Variants in HS2ST1 observed in about 807,000 individuals in gnomAD.
HS2ST1 encodes the protein heparan sulfate 2-O-sulfotransferase 1.
A neutral mutation model predicts 42.9 loss-of-function variants in HS2ST1; 18 were observed. The observed-to-expected ratio is 0.42, with a 90% CI of 0.29 to 0.62. HS2ST1 has a LOEUF of 0.62. Among genes scored for constraint, HS2ST1 ranks in the 20% least tolerant of loss-of-function variants. The probability of loss-of-function intolerance (pLI) is 0.21; values close to 1 mark genes in which losing one functional copy is unlikely to be tolerated. For missense variants in HS2ST1, 334 were observed against 433.8 expected (o/e 0.77, Z 2.04); for synonymous variants, 146 against 152.9 (o/e 0.95, Z 0.33).
intron 1 of HS2ST1, among the ~76,000 whole-genome samples, chr1:86,991,201 C>T (rs2390224): frequency 0.72 from 108,320 of 151,462 alleles, 40,341 homozygotes; most frequent in East Asian, 0.97. Context: ...ACTTCATGTC[C>T]CACTCTGATG....
At chr1:87,099,551 G>A (rs112184758) in intron 5 of HS2ST1, among the ~76,000 whole-genome samples, 6,855 of 152,218 alleles carry the variant, frequency 0.045, 263 homozygotes, top group African/African-American at 0.1. Context: ...CTCCAGCATT[G>A]GGAATCACAT....
chr1:87,066,970 T>C (rs879121608), intron 1 of HS2ST1, among the ~76,000 whole-genome samples: 1 of 152,232 alleles, frequency 6.6e-6, no homozygotes, highest in Non-Finnish European at 1.5e-5. Flanking sequence ...CAGTCTATCA[T>C]TGATGGGGAT....
intron 1 of HS2ST1, among the ~76,000 whole-genome samples, chr1:86,985,183 G>A (rs1161962430): frequency 4.7e-5 from 7 of 147,994 alleles, no homozygotes; most frequent in Admixed American, 6.8e-5. Context: ...GTGAAACCCC[G>A]TCTCTACTAA....
chr1:86,968,360 C>T (rs915896139), intron 1 of HS2ST1, among the ~76,000 whole-genome samples: 1 of 151,948 alleles, frequency 6.6e-6, no homozygotes, highest in Non-Finnish European at 1.5e-5. Flanking sequence ...TTTGGTAACA[C>T]AGTTTTTGAA....
chr1:86,975,137 A>G (rs543926083), intron 1 of HS2ST1, among the ~76,000 whole-genome samples: 1 of 152,254 alleles, frequency 6.6e-6, no homozygotes, highest in African/African-American at 2.4e-5. Flanking sequence ...CTTAAATTTA[A>G]TTTATTCTCT....
rs774168145 is a variant in HS2ST1, at chr1:87,109,301, A to T, written c.*4605A>T. On this transcript the variant is annotated 3_prime_UTR_variant, in exon 7 of 7. Coordinates refer to ENST00000370550, the MANE Select transcript of HS2ST1 (RefSeq NM_012262.4). ...CAGATAGTGTTGCCATCAAGAAAGC[A>T]TGCAACATCATTGGTTTCTAATGAT... is the stretch of plus-strand genomic sequence containing the variant. 1 of 152,182 alleles carries T rather than the reference A, an allele frequency of 6.6e-6. No individual in the cohort carries two copies. Among genetic ancestry groups the T allele is most frequent in the Non-Finnish European group, 1.5e-5 (1 of 67,984 alleles). 9.4% of individuals were successfully genotyped at this position (152,182 alleles called of 1,614,324 possible). A position where few individuals can be genotyped will look rare whatever the true frequency, so the allele number is the denominator to read the frequency against.
intron 1 of HS2ST1, among the ~76,000 whole-genome samples, chr1:86,951,999 C>T (rs1647533827): frequency 1.3e-5 from 2 of 152,314 alleles, no homozygotes; most frequent in African/African-American, 4.8e-5. Context: ...AGTTCTGTTG[C>T]TAATCCCAGC....
chr1:87,045,191 C>T, intron 1 of HS2ST1: 1 of 926,016 alleles, frequency 1.1e-6, no homozygotes, highest in East Asian at 2.4e-5. Context: ...GTTTTGGCCC[C>T]ACTTTTTCTG....
rs55739816 is a variant in HS2ST1, at chr1:86,990,836, ATTTTTTTTT to A, written c.124+75691_124+75699del. On this transcript the variant is annotated intron_variant, in intron 1 of 6. Transcript: ENST00000370550. The stretch of plus-strand genomic sequence containing the variant: ...TTTATATATATATATATATATATAT[ATTTTTTTTT>A]TTTTTTTTTTTTTTAGTAGAGATGG... Among the ~76,000 whole-genome samples, 365 of 44,170 alleles carry A rather than the reference ATTTTTTTTT, an allele frequency of 8.3e-3. 3 individuals carry two copies. The highest frequency in any genetic ancestry group is 0.016 in the African/African-American group (196 of 12,590). 29.0% of individuals were successfully genotyped at this position (44,170 alleles called of 152,430 possible). A position where few individuals can be genotyped will look rare whatever the true frequency, so the allele number is the denominator to read the frequency against.
intron 1 of HS2ST1, among the ~76,000 whole-genome samples, chr1:87,009,878 C>CA (rs571610921): frequency 0.012 from 1,848 of 151,818 alleles, 17 homozygotes; most frequent in Non-Finnish European, 0.02. Flanking sequence ...ACTAAAAATA[C>CA]AAAAAAATTA....
intron 1 of HS2ST1, among the ~76,000 whole-genome samples, chr1:86,916,847 G>A (rs1660169855): frequency 6.6e-6 from 1 of 152,088 alleles, no homozygotes; most frequent in South Asian, 2.1e-4. Flanking sequence ...GGAATTGTCT[G>A]GAGTTGATTT....
At chr1:86,930,430 A>G (rs1369124424) in intron 1 of HS2ST1, among the ~76,000 whole-genome samples, 2 of 151,962 alleles carry the variant, frequency 1.3e-5, no homozygotes, top group Admixed American at 6.6e-5. Flanking sequence ...TGAACCTTTT[A>G]CATTTCACCT....
rs908282212 is a variant in HS2ST1 at position 86,916,788 on chromosome 1, GT to G, written c.124+1630del. On this transcript the variant is annotated intron_variant, in intron 1 of 6. Coordinates refer to ENST00000370550, the MANE Select transcript of HS2ST1 (RefSeq NM_012262.4). ...AAAAAGACTCCTCTTGAAGTGGAAA[GT>G]TATATTAAAATTAAAATTTGTACTT... Among the ~76,000 whole-genome samples the G allele has an allele frequency of 9.7e-4, 148 of 152,298 alleles. 1 individual carries two copies. Among genetic ancestry groups the G allele is most frequent in the African/African-American group, 3.4e-3 (140 of 41,568 alleles).
At chr1:87,077,074 GC>G (rs1171496748) in intron 2 of HS2ST1, among the ~76,000 whole-genome samples, 1 of 152,156 alleles carries the variant, frequency 6.6e-6, no homozygotes, top group Non-Finnish European at 1.5e-5. Context: ...CCAAGATGGA[GC>G]CCAGTTTTCA....
intron 3 of HS2ST1, among the ~76,000 whole-genome samples, chr1:87,085,304 A>AT (rs1455047598): frequency 1.3e-5 from 2 of 152,174 alleles, no homozygotes; most frequent in Non-Finnish European, 2.9e-5. Context: ...TTTAAAAGGC[A>AT]TTTTTTATAA....
At position 86,993,044 on chromosome 1, in the gene HS2ST1, A is replaced by G. The variant is rs1458328206; in HGVS notation, c.124+77884A>G. 2.5e-6 allele frequency: 4 copies of G among 1,576,356 alleles called. No individual in the cohort carries two copies. In the Admixed American group the frequency reaches 7.3e-5, roughly 29 times the overall value. On this transcript the variant is annotated intron_variant, in intron 1 of 6. Transcript: ENST00000370550. ...GTACCTCTCACAGAAGAGTCTTATGACTGGCATCAGGGGAAGGTCACCAAG... is the reference window on the plus strand; with the variant it reads ...GTACCTCTCACAGAAGAGTCTTATGGCTGGCATCAGGGGAAGGTCACCAAG...
chr1:87,064,741 G>A (rs1289958274), intron 1 of HS2ST1, among the ~76,000 whole-genome samples: 2 of 152,122 alleles, frequency 1.3e-5, no homozygotes, highest in Non-Finnish European at 2.9e-5. Context: ...GCTCACTGCA[G>A]CCTCAAACTC....
At chr1:87,042,025 T>A (rs1301768588) in intron 1 of HS2ST1, among the ~76,000 whole-genome samples, 2 of 152,188 alleles carry the variant, frequency 1.3e-5, no homozygotes, top group African/African-American at 4.8e-5. Flanking sequence ...TAATTTTTTT[T>A]AAAAGCATTT....
intron 1 of HS2ST1, among the ~76,000 whole-genome samples, chr1:87,011,968 T>C (rs1292171038): frequency 6.6e-6 from 1 of 152,264 alleles, no homozygotes; most frequent in Non-Finnish European, 1.5e-5. Context: ...TTATTTTTTG[T>C]ATTTGCATAG....
Sources: gnomAD v4.1 joint callset for allele counts (sites outside exome capture counted in the v4.1 genomes callset) on GRCh38, gnomAD v4.1.1 for gene constraint, MANE v1.5 for transcripts, NCBI Gene and HGNC (gene_info 2026-07-23, HGNC 2026-07-21) for gene names.